The following KCNK9 variants were observed in gnomAD, a reference collection of about 807,000 sequenced individuals.
KCNK9 encodes potassium channel subfamily K member 9.
KCNK9 carries 1 observed loss-of-function variant against 10.8 expected under a neutral mutation model. The observed-to-expected ratio is 0.09, with a 90% CI of 0.03 to 0.44. The LOEUF is 0.44. Ranked by LOEUF, KCNK9 falls within the 20% of genes least tolerant of loss-of-function variation. The probability of loss-of-function intolerance (pLI) is 0.97; values close to 1 mark genes in which losing one functional copy is unlikely to be tolerated. For missense variants in KCNK9, 303 were observed against 515.0 expected (o/e 0.59, Z 3.98); for synonymous variants, 231 against 222.7 (o/e 1.04, Z -0.33).
chr8:139,623,059 C>T (rs1814841129), intron 1 of KCNK9, among the ~76,000 whole-genome samples: 1 of 152,190 alleles, frequency 6.6e-6, no homozygotes, highest in Non-Finnish European at 1.5e-5. Context: ...ATGTGCCACA[C>T]CTATGTATAT....
intron 1 of KCNK9, among the ~76,000 whole-genome samples, chr8:139,650,281 A>T (rs114135475): frequency 6.6e-6 from 1 of 152,284 alleles, no homozygotes; most frequent in Admixed American, 6.5e-5. Flanking sequence ...GCCTTAGCTC[A>T]CTCACGTTAC....
chr8:139,614,360 G>C (rs574778366), downstream of KCNK9, among the ~76,000 whole-genome samples: 6 of 152,190 alleles, frequency 3.9e-5, no homozygotes, highest in South Asian at 1.2e-3. Flanking sequence ...GTGGACAGTG[G>C]TCTAAGTCCA....
At chr8:139,696,743 GTGGA>G (rs540183564) in intron 1 of KCNK9, among the ~76,000 whole-genome samples, 9,519 of 147,864 alleles carry the variant, frequency 0.064, 792 homozygotes, top group African/African-American at 0.21. Context: ...AGATGAGTGG[GTGGA>G]TGGATGGATG....
chr8:139,652,266 A>G (rs1008032581), intron 1 of KCNK9, among the ~76,000 whole-genome samples: 1 of 152,108 alleles, frequency 6.6e-6, no homozygotes, highest in East Asian at 1.9e-4. Flanking sequence ...GGTGGCCCCA[A>G]CCACCCTGAA....
At chr8:139,616,111 G>A (rs1291628802), downstream of KCNK9, 1 of 152,188 alleles carries the variant, frequency 6.6e-6, no homozygotes, top group Non-Finnish European at 1.5e-5. Flanking sequence ...GTGCCTTGGT[G>A]TCGTCATAGA....
chr8:139,658,556 C>A (rs1405635074), intron 1 of KCNK9, among the ~76,000 whole-genome samples: 2 of 152,238 alleles, frequency 1.3e-5, no homozygotes, highest in Non-Finnish European at 2.9e-5. Context: ...AGCCTCACTA[C>A]CTCCACTGTA....
chr8:139,655,079 A>G (rs1815983039), intron 1 of KCNK9, among the ~76,000 whole-genome samples: 1 of 152,064 alleles, frequency 6.6e-6, no homozygotes, highest in African/African-American at 2.4e-5. Flanking sequence ...TCTGGTGTCG[A>G]GATCCAAATG....
At chr8:139,644,129 G>A (rs1315202823) in intron 1 of KCNK9, among the ~76,000 whole-genome samples, 1 of 152,198 alleles carries the variant, frequency 6.6e-6, no homozygotes, top group East Asian at 1.9e-4. Flanking sequence ...AGGCACTGTG[G>A]GATGTAGGTG....
chr8:139,665,898 C>T (rs1212953118), intron 1 of KCNK9, among the ~76,000 whole-genome samples: 1 of 152,242 alleles, frequency 6.6e-6, no homozygotes, highest in African/African-American at 2.4e-5. Flanking sequence ...CAAATGGCGT[C>T]AGTGTGGCCG....
At chr8:139,637,246 G>A (rs753539100) in intron 1 of KCNK9, among the ~76,000 whole-genome samples, 5 of 152,174 alleles carry the variant, frequency 3.3e-5, no homozygotes, top group Admixed American at 6.5e-5. Flanking sequence ...AGTGCTGACC[G>A]CATACCCCAA....
At chr8:139,686,311 T>A (rs1464453154) in intron 1 of KCNK9, among the ~76,000 whole-genome samples, 1 of 152,062 alleles carries the variant, frequency 6.6e-6, no homozygotes, top group Non-Finnish European at 1.5e-5. Context: ...GAAACTATCA[T>A]CAGATCGAAC....
At chr8:139,673,414 C>T (rs1816482475) in intron 1 of KCNK9, among the ~76,000 whole-genome samples, 1 of 152,220 alleles carries the variant, frequency 6.6e-6, no homozygotes, top group Non-Finnish European at 1.5e-5. Flanking sequence ...CCTTGCCAGG[C>T]CTATGCCAGG....
At chr8:139,604,673 G>T (rs1250496284) in intron 2 of KCNK9, among the ~76,000 whole-genome samples, 1 of 152,216 alleles carries the variant, frequency 6.6e-6, no homozygotes, top group East Asian at 1.9e-4. Context: ...ACACCCCGGA[G>T]TAAGTTTTTC....
chr8:139,656,098 T>C (rs980686891), intron 1 of KCNK9, among the ~76,000 whole-genome samples: 1 of 152,160 alleles, frequency 6.6e-6, no homozygotes, highest in African/African-American at 2.4e-5. Flanking sequence ...CCCCTCCTCA[T>C]GGGCACAGCA....
intron 1 of KCNK9, among the ~76,000 whole-genome samples, chr8:139,630,210 G>A (rs1181870646): frequency 1.3e-5 from 2 of 152,074 alleles, no homozygotes; most frequent in Non-Finnish European, 2.9e-5. Context: ...TTTGCAACGC[G>A]CATTTTACCC....
At chr8:139,632,280 T>G (rs1336326303) in intron 1 of KCNK9, among the ~76,000 whole-genome samples, 1 of 152,250 alleles carries the variant, frequency 6.6e-6, no homozygotes, top group Non-Finnish European at 1.5e-5. Flanking sequence ...AGGCAAGATC[T>G]GTGGGGTGCC....
chr8:139,642,226 A>G (rs1291053517), intron 1 of KCNK9, among the ~76,000 whole-genome samples: 1 of 152,124 alleles, frequency 6.6e-6, no homozygotes, highest in Non-Finnish European at 1.5e-5. Context: ...TTCATTCCCC[A>G]CCAAGAGCAG....
chr8:139,695,792 C>T (rs1250735490), intron 1 of KCNK9, among the ~76,000 whole-genome samples: 1 of 152,176 alleles, frequency 6.6e-6, no homozygotes, highest in Non-Finnish European at 1.5e-5. Context: ...GTTCCTGGGG[C>T]TCTACTGAGA....
chr8:139,697,347 T>A (rs865925371), intron 1 of KCNK9, among the ~76,000 whole-genome samples: 2 of 143,666 alleles, frequency 1.4e-5, no homozygotes, highest in Non-Finnish European at 1.5e-5. Flanking sequence ...GAGTGGATGG[T>A]TGGATGGATG....
Sources: gnomAD v4.1 joint callset for allele counts (sites outside exome capture counted in the v4.1 genomes callset) on GRCh38, gnomAD v4.1.1 for gene constraint, MANE v1.5 for transcripts, NCBI Gene and HGNC (gene_info 2026-07-23, HGNC 2026-07-21) for gene names.